COL2A1: variants seen among roughly 807,000 people sequenced by gnomAD.
The protein encoded by COL2A1 is collagen alpha-1(II) chain.
Under a neutral mutation model 204.5 loss-of-function variants are expected in COL2A1, and 28 were observed. The observed-to-expected ratio is 0.14, with a 90% CI of 0.10 to 0.19. COL2A1 has a LOEUF of 0.19. Among genes scored for constraint, COL2A1 ranks in the 10% least tolerant of loss-of-function variants. The pLI is 1.00. For synonymous variants in COL2A1, 708 were observed against 718.7 expected (o/e 0.99, Z 0.24); for missense variants, 1,388 against 2,027.5 (o/e 0.68, Z 6.06).
intron 7 of COL2A1, 151 bp from the exon 8 acceptor site, chr12:47,996,776 G>T (rs1432148056): frequency 4.0e-6 from 3 of 754,528 alleles, no homozygotes; most frequent in Non-Finnish European, 7.2e-6. Flanking sequence ...TACCACTGAT[G>T]CCTGGAAAGT....
At position 47,997,582 on chromosome 12, in the gene COL2A1, G is replaced by A; in HGVS notation, c.531+24C>T. Reference sequence around the variant, plus strand: ...CACATTTCTGGAGGGACAGCCTGAAGGAATGGGAAGTAAGGATACTTACTC... The same window carrying A: ...CACATTTCTGGAGGGACAGCCTGAAAGAATGGGAAGTAAGGATACTTACTC... On this transcript the variant is annotated intron_variant, in intron 7 of 53. Coordinates refer to ENST00000380518, the MANE Select transcript of COL2A1 (RefSeq NM_001844.5). 1.9e-6 allele frequency: 3 copies of A among 1,613,908 alleles called. No homozygotes were observed. In the East Asian group the frequency reaches 6.7e-5, roughly 36 times the overall value.
intron 2 of COL2A1, chr12:47,999,563 G>A (rs746228008): frequency 5.3e-5 from 14 of 262,196 alleles, no homozygotes; most frequent in Admixed American, 1.5e-4. Flanking sequence ...GAATTAATTC[G>A]TGGATTGGCC....
chr12:47,974,405 C>G, intron 52 of COL2A1, 74 bp from the exon 53 acceptor site: 12 of 1,585,958 alleles, frequency 7.6e-6, no homozygotes, highest in Non-Finnish European at 1.0e-5. Flanking sequence ...TAGGGGCTGC[C>G]AAGAGTTCAT....
intron 18 of COL2A1, chr12:47,988,543 G>T (rs1279283475): frequency 6.4e-6 from 1 of 156,710 alleles, no homozygotes. Context: ...CTTCACAATG[G>T]GTCTCCTTCA....
At position 47,984,453 on chromosome 12, in the gene COL2A1, T is replaced by A. The variant is rs569502190; in HGVS notation, c.1887+93A>T. 8.7e-5 allele frequency: 115 copies of A among 1,317,178 alleles called. No homozygotes were observed. In the East Asian group the frequency reaches 1.5e-3, roughly 17 times the overall value. 81.6% of individuals were successfully genotyped at this position (1,317,178 alleles called of 1,614,324 possible). A position where few individuals can be genotyped will look rare whatever the true frequency, so the allele number is the denominator to read the frequency against. ...GAGATCAACACTCAATACTGAGGGGTCCCGGGACCATGCCATGGGGAGGCC... is the reference window on the plus strand; with the variant it reads ...GAGATCAACACTCAATACTGAGGGGACCCGGGACCATGCCATGGGGAGGCC... On this transcript the variant is annotated intron_variant, in intron 28 of 53. Transcript: ENST00000380518.
In COL2A1 at chr12:47,982,612, G is replaced by T; in HGVS notation, c.2194-3C>A. On this transcript the variant is annotated splice_polypyrimidine_tract_variant and splice_region_variant and intron_variant, in intron 33 of 53. Transcript: ENST00000380518. Reference sequence around the variant, plus strand: ...GGGCCTGCTGGGCCAGATGCACCCTGGGGAGGGAGGTAAGAGGGAGTCTGT... The same window carrying T: ...GGGCCTGCTGGGCCAGATGCACCCTTGGGAGGGAGGTAAGAGGGAGTCTGT... 3.1e-6 allele frequency: 5 copies of T among 1,605,088 alleles called. No individual in the cohort carries two copies. The highest frequency in any genetic ancestry group is 4.3e-6 in the Non-Finnish European group (5 of 1,173,170).
rs1565676602 is a variant in COL2A1 at position 47,981,833 on chromosome 12, CGG to C, written c.2356-6_2356-5del. The C allele has an allele frequency of 6.4e-7, 1 of 1,553,796 alleles. No homozygotes were observed. Among genetic ancestry groups the C allele is most frequent in the South Asian group, 1.2e-5 (1 of 84,388 alleles). Reference sequence around the variant, plus strand: ...GGCCAATGGGACCTGTCAGGCCCTGCGGGGAGAGCAGGTAGAGGTGAGGGAGG... The same window carrying C: ...GGCCAATGGGACCTGTCAGGCCCTGCGGAGAGCAGGTAGAGGTGAGGGAGG... On this transcript the variant is annotated splice_region_variant and splice_polypyrimidine_tract_variant and intron_variant, in intron 35 of 53. Transcript: ENST00000380518.
At chr12:47,983,820 C>A in intron 29 of COL2A1, 84 bp from the exon 30 acceptor site, 1 of 1,410,330 alleles carries the variant, frequency 7.1e-7, no homozygotes, top group Non-Finnish European at 9.8e-7. Flanking sequence ...GGGAGGTCAG[C>A]AGGGTGGGCA....
intron 22 of COL2A1, 114 bp from the exon 23 acceptor site, chr12:47,986,557 G>GGA: frequency 1.3e-6 from 1 of 751,274 alleles, no homozygotes; most frequent in Admixed American, 2.2e-5. Context: ...CTGGGGGGGG[G>GGA]CTTGAGGACG....
chr12:47,989,674 C>T, intron 17 of COL2A1, 87 bp downstream of exon 17: 1 of 1,178,314 alleles, frequency 8.5e-7, no homozygotes, highest in Non-Finnish European at 1.3e-6. Flanking sequence ...TGTGGTTGCA[C>T]CCAATACACC....
chr12:48,001,719 C>A (rs1291136900), intron 1 of COL2A1, among the ~76,000 whole-genome samples: 1 of 152,170 alleles, frequency 6.6e-6, no homozygotes. Flanking sequence ...CTCACAGACA[C>A]CGGGAGAGTG....
chr12:47,978,437 C>T lies in COL2A1; in HGVS notation c.2896-39G>A, dbSNP rs756245670. On this transcript the variant is annotated intron_variant, in intron 42 of 53. Coordinates refer to ENST00000380518, the MANE Select transcript of COL2A1 (RefSeq NM_001844.5). This position sits in a 1 kb window ranked among gnomAD's most constrained non-coding sequence, Gnocchi z 5.5. The stretch of plus-strand genomic sequence containing the variant: ...GGCAGGAGATGAGAACTGACAGTGG[C>T]CCAGCCTCTTCTGTCCTCTCAGCAC... 1 of 1,601,300 alleles carries T rather than the reference C, an allele frequency of 6.2e-7. No individual in the cohort carries two copies. The highest frequency in any genetic ancestry group is 1.1e-5 in the South Asian group (1 of 89,930).
chr12:47,995,071 G>A (rs561524437), intron 11 of COL2A1, among the ~76,000 whole-genome samples, 184 bp downstream of exon 11: 3 of 152,180 alleles, frequency 2.0e-5, no homozygotes, highest in East Asian at 1.9e-4. Flanking sequence ...GGTCCCCAGG[G>A]AACTTGCCAG....
chr12:47,999,147 C>T (rs1202822938), intron 2 of COL2A1, among the ~76,000 whole-genome samples: 1 of 152,162 alleles, frequency 6.6e-6, no homozygotes, highest in African/African-American at 2.4e-5. Flanking sequence ...GCAAGAGCTA[C>T]CCAAAAAACC....
intron 1 of COL2A1, 69 bp from the exon 2 acceptor site, chr12:48,000,194 AAG>A (rs1940168961): frequency 2.7e-6 from 3 of 1,124,968 alleles, no homozygotes; most frequent in South Asian, 1.3e-5. Flanking sequence ...CAGAGAGAAA[AAG>A]AGAGAGGTTG....
At chr12:47,984,018 G>T in intron 29 of COL2A1, 69 bp downstream of exon 29, 1 of 1,374,338 alleles carries the variant, frequency 7.3e-7, no homozygotes, top group Admixed American at 1.9e-5. Flanking sequence ...TAATGGATGG[G>T]CTCTCCCACC....
chr12:47,999,131 C>T (rs1793956), intron 2 of COL2A1, among the ~76,000 whole-genome samples: 1 of 152,142 alleles, frequency 6.6e-6, no homozygotes, highest in African/African-American at 2.4e-5. Context: ...CAGCAGGAAG[C>T]GGACAGCAAG....
At chr12:48,000,581 G>T (rs1161770495) in intron 1 of COL2A1, among the ~76,000 whole-genome samples, 1 of 152,170 alleles carries the variant, frequency 6.6e-6, no homozygotes, top group Non-Finnish European at 1.5e-5. Context: ...GAGCAGAGAA[G>T]TCTTCTTTCT....
In COL2A1 at chr12:47,976,415, C is replaced by T; in HGVS notation, c.3489+99G>A. On this transcript the variant is annotated intron_variant, in intron 49 of 53. Coordinates refer to ENST00000380518, the MANE Select transcript of COL2A1 (RefSeq NM_001844.5). This position sits in a 1 kb window ranked among gnomAD's most constrained non-coding sequence, Gnocchi z 4.3. ...ATTACTGAGTGAGGACCCCTGAGCCCACAGCTTCCCCAGAAGCAGCAGCAT... is the reference window on the plus strand; with the variant it reads ...ATTACTGAGTGAGGACCCCTGAGCCTACAGCTTCCCCAGAAGCAGCAGCAT... The T allele has an allele frequency of 7.1e-7, 1 of 1,400,528 alleles. No individual in the cohort carries two copies. The highest frequency in any genetic ancestry group is 1.0e-6 in the Non-Finnish European group (1 of 988,310). The allele number at this position is 1,400,528 out of a possible 1,614,324, so 86.8% of individuals were successfully genotyped here.
Sources: allele counts gnomAD v4.1 joint callset (sites outside exome capture counted in the v4.1 genomes callset), GRCh38; gene constraint gnomAD v4.1.1; non-coding constraint Gnocchi (gnomAD v3.1); transcripts MANE v1.5; gene names NCBI Gene and HGNC (gene_info 2026-07-23, HGNC 2026-07-21).